The following CALR3 variants were observed in gnomAD, a reference collection of about 807,000 sequenced individuals.
CALR3 encodes calreticulin 3, also known as calreticulin-3.
A neutral mutation model predicts 48.7 loss-of-function variants in CALR3; 39 were observed. The observed-to-expected ratio is 0.80, with a 90% CI of 0.62 to 1.05. The LOEUF is 1.05. CALR3 is among the 50% of genes least tolerant of loss of function. The pLI is 0.00. For missense variants in CALR3, 449 were observed against 474.7 expected, an observed-to-expected ratio of 0.95 and a Z score of 0.50; for synonymous variants, 185 against 172.7, an observed-to-expected ratio of 1.07 and a Z score of -0.56.
chr19:16,494,482 C>T (rs1340581558), intron 2 of CALR3, among the ~76,000 whole-genome samples: 2 of 152,148 alleles, frequency 1.3e-5, no homozygotes, highest in African/African-American at 4.8e-5. Flanking sequence ...CTGCCTCAGC[C>T]TCCCGAGTAG....
chr19:16,493,542 ATTTTTTTT>A (rs3032114), intron 2 of CALR3, among the ~76,000 whole-genome samples: 2 of 72,928 alleles, frequency 2.7e-5, no homozygotes, highest in Admixed American at 1.5e-4. Context: ...TGAAGCTAGA[ATTTTTTTT>A]TTTTTTTTTT....
At chr19:16,495,704 A>T in intron 2 of CALR3, 47 bp downstream of exon 2, 1 of 1,421,356 alleles carries the variant, frequency 7.0e-7, no homozygotes, top group African/African-American at 1.4e-5. Flanking sequence ...AGAGGTTGCT[A>T]TGGAAATGTA....
At chr19:16,481,540 G>A (rs1007234666) in intron 7 of CALR3, among the ~76,000 whole-genome samples, 5 of 144,884 alleles carry the variant, frequency 3.5e-5, no homozygotes, top group Admixed American at 2.2e-4. Context: ...GTGCCGTGGC[G>A]CGATCTTGGC....
rs908406602 is a variant in CALR3, at chr19:16,491,601, A to T, written c.194-1031T>A. Among the ~76,000 whole-genome samples the T allele has an allele frequency of 6.1e-5, 9 of 148,352 alleles. No individual in the cohort carries two copies. The South Asian group carries it at 6.5e-4, about 11-fold the overall frequency. On this transcript the variant is annotated intron_variant, in intron 2 of 8. Coordinates refer to ENST00000269881, the MANE Select transcript of CALR3 (RefSeq NM_145046.5). ...AGACCAGCCTGGCCAACATGGTGAAACCCTATCTCTACTAAAAATACAAAA... is the reference window on the plus strand; with the variant it reads ...AGACCAGCCTGGCCAACATGGTGAATCCCTATCTCTACTAAAAATACAAAA...
chr19:16,495,712 G>A (rs1431865657), intron 2 of CALR3, 39 bp downstream of exon 2: 1 of 1,497,812 alleles, frequency 6.7e-7, no homozygotes, highest in South Asian at 1.1e-5. Context: ...CTATGGAAAT[G>A]TAACATTAGG....
chr19:16,492,987 C>T (rs542877689), intron 2 of CALR3, among the ~76,000 whole-genome samples: 2 of 152,030 alleles, frequency 1.3e-5, no homozygotes, highest in Admixed American at 1.3e-4. Flanking sequence ...GCAGAGATCA[C>T]GCCATTGCAC....
At chr19:16,490,632 T>A (rs1434753816) in intron 2 of CALR3, 62 bp from the exon 3 acceptor site, 2 of 1,417,566 alleles carry the variant, frequency 1.4e-6, no homozygotes, top group Non-Finnish European at 2.0e-6. Flanking sequence ...ACGCAGGAAG[T>A]TAAATCGATG....
intron 3 of CALR3, among the ~76,000 whole-genome samples, chr19:16,485,986 T>G (rs1294420702): frequency 6.6e-6 from 1 of 152,130 alleles, no homozygotes; most frequent in Non-Finnish European, 1.5e-5. Flanking sequence ...TTATTGTTGT[T>G]AAAGGACAAT....
At chr19:16,488,519 C>T (rs889039731) in intron 3 of CALR3, among the ~76,000 whole-genome samples, 3 of 152,104 alleles carry the variant, frequency 2.0e-5, no homozygotes, top group Non-Finnish European at 2.9e-5. Flanking sequence ...ATTCTCCTGC[C>T]TCAGCCTCCT....
intron 5 of CALR3, chr19:16,483,692 T>G (rs2093384413): frequency 2.1e-6 from 1 of 473,414 alleles, no homozygotes; most frequent in South Asian, 2.3e-5. Flanking sequence ...CACTCCAGCC[T>G]GGGCAAGAAG....
At chr19:16,491,822 G>A (rs1228689049) in intron 2 of CALR3, among the ~76,000 whole-genome samples, 1 of 151,380 alleles carries the variant, frequency 6.6e-6, no homozygotes, top group East Asian at 2.0e-4. Flanking sequence ...GAAACTTAAT[G>A]GACACTAAAC....
chr19:16,492,231 T>G (rs944972157), intron 2 of CALR3, among the ~76,000 whole-genome samples: 1 of 149,882 alleles, frequency 6.7e-6, no homozygotes, highest in Admixed American at 6.6e-5. Flanking sequence ...CTGAGCCGGG[T>G]GGATCACTTG....
chr19:16,493,150 G>T (rs2093400611), intron 2 of CALR3, among the ~76,000 whole-genome samples: 1 of 152,194 alleles, frequency 6.6e-6, no homozygotes, highest in African/African-American at 2.4e-5. Flanking sequence ...CATTGTTCTT[G>T]TTTGGCAAAT....
chr19:16,480,548 T>G, intron 8 of CALR3, 66 bp downstream of exon 8: 1 of 1,103,404 alleles, frequency 9.1e-7, no homozygotes, highest in Non-Finnish European at 1.4e-6. Flanking sequence ...CTAGACTCCA[T>G]CTAAAAAAAA....
intron 3 of CALR3, among the ~76,000 whole-genome samples, chr19:16,489,738 G>A (rs2093394856): frequency 6.6e-6 from 1 of 152,060 alleles, no homozygotes; most frequent in South Asian, 2.1e-4. Flanking sequence ...GAACCCAGGA[G>A]GCGGAGATTG....
In CALR3 at chr19:16,483,875, G is replaced by A. The variant is rs1051163114; in HGVS notation, c.678+55C>T. On this transcript the variant is annotated intron_variant, in intron 5 of 8. Coordinates refer to ENST00000269881, the MANE Select transcript of CALR3 (RefSeq NM_145046.5). The stretch of plus-strand genomic sequence containing the variant: ...CATGCAGCAATTGTCCAGTAACTGG[G>A]TACTTACAAACTACATTTGTGCACT... The A allele has an allele frequency of 2.6e-6, 4 of 1,562,788 alleles. No individual in the cohort carries two copies. The African/African-American group carries it at 5.4e-5, about 21-fold the overall frequency.
chr19:16,488,970 A>G (rs1218083890), intron 3 of CALR3, among the ~76,000 whole-genome samples: 1 of 152,246 alleles, frequency 6.6e-6, no homozygotes, highest in Non-Finnish European at 1.5e-5. Context: ...CAGACAACAT[A>G]TAAATGAACA....
chr19:16,494,059 A>AT (rs1299779882), intron 2 of CALR3, among the ~76,000 whole-genome samples: 1 of 150,530 alleles, frequency 6.6e-6, no homozygotes, highest in Admixed American at 6.7e-5. Flanking sequence ...TTATCTCTGT[A>AT]TTTTTTTCTT....
intron 3 of CALR3, among the ~76,000 whole-genome samples, chr19:16,485,815 G>C (rs2093388214): frequency 7.0e-6 from 1 of 142,352 alleles, no homozygotes; most frequent in Admixed American, 7.5e-5. Flanking sequence ...TGTACCACCA[G>C]GCCCAGCTAA....
Sources: allele counts gnomAD v4.1 joint callset (sites outside exome capture counted in the v4.1 genomes callset), GRCh38; gene constraint gnomAD v4.1.1; transcripts MANE v1.5; gene names NCBI Gene and HGNC (gene_info 2026-07-23, HGNC 2026-07-21).